The following CASR variants were observed in gnomAD, a reference collection of about 807,000 sequenced individuals.
The protein encoded by CASR is calcium sensing receptor, also known as extracellular calcium-sensing receptor.
A neutral mutation model predicts 69.1 loss-of-function variants in CASR; 23 were observed. The ratio of observed to expected loss-of-function variants is 0.33; its 90% confidence interval spans 0.24 to 0.47. The LOEUF is 0.47. Among genes scored for constraint, CASR ranks in the 20% least tolerant of loss-of-function variants. The pLI, the probability that CASR is intolerant of heterozygous loss-of-function variation, is 1.00. For missense variants in CASR, 924 were observed against 1,356.1 expected (o/e 0.68, Z 5.00); for synonymous variants, 541 against 544.7 (o/e 0.99, Z 0.10).
At chr3:122,207,667 A>G (rs1287310855) in intron 1 of CASR, among the ~76,000 whole-genome samples, 1 of 152,194 alleles carries the variant, frequency 6.6e-6, no homozygotes, top group African/African-American at 2.4e-5. Context: ...GGATACAACA[A>G]AAGCAGTACT....
rs1048505521 is a variant in CASR, at chr3:122,285,315, G to C, written c.*124G>C. ...GGATAATAGACACATCAAATGCCCCGAATTTAGTCACACCATCTTAAATGA... is the reference window on the plus strand; with the variant it reads ...GGATAATAGACACATCAAATGCCCCCAATTTAGTCACACCATCTTAAATGA... On this transcript the variant is annotated 3_prime_UTR_variant, in exon 7 of 7. Coordinates refer to ENST00000639785, the MANE Select transcript of CASR (RefSeq NM_000388.4). 1 of 836,442 alleles carries C rather than the reference G, an allele frequency of 1.2e-6. No individual in the cohort carries two copies. The highest frequency in any genetic ancestry group is 2.5e-5 in the East Asian group (1 of 39,684). The allele number at this position is 836,442 out of a possible 1,614,324, so 51.8% of individuals were successfully genotyped here. A position where few individuals can be genotyped will look rare whatever the true frequency, so the allele number is the denominator to read the frequency against.
chr3:122,257,685 AT>A lies in CASR; in HGVS notation c.492+306del, dbSNP rs200028332. On this transcript the variant is annotated intron_variant, in intron 3 of 6. Coordinates refer to ENST00000639785, the MANE Select transcript of CASR (RefSeq NM_000388.4). ...ATTTCCCACTCTATTCCTTTAGTAAATTTTTTTTCCTTCTACTTTTACTAAA... is the reference window on the plus strand; with the variant it reads ...ATTTCCCACTCTATTCCTTTAGTAAATTTTTTTCCTTCTACTTTTACTAAA... 1.5e-4 allele frequency: 42 copies of A among 278,900 alleles called. No homozygotes were observed. The South Asian group carries it at 2.5e-3, about 17-fold the overall frequency. The allele number at this position is 278,900 out of a possible 1,614,324, so 17.3% of individuals were successfully genotyped here.
At chr3:122,267,470 A>G (rs1305205827) in intron 4 of CASR, among the ~76,000 whole-genome samples, 1 of 152,232 alleles carries the variant, frequency 6.6e-6, no homozygotes, top group East Asian at 1.9e-4. Context: ...GGTAGATAAA[A>G]TTTGTGGATA....
intron 1 of CASR, among the ~76,000 whole-genome samples, chr3:122,234,964 C>T (rs921877691): frequency 5.3e-5 from 8 of 152,192 alleles, no homozygotes; most frequent in African/African-American, 1.9e-4. Context: ...TGCACTGCAT[C>T]AGCACAGATT....
At chr3:122,276,097 C>A in intron 5 of CASR, 55 bp downstream of exon 5, 1 of 1,196,796 alleles carries the variant, frequency 8.4e-7, no homozygotes, top group Non-Finnish European at 1.2e-6. Context: ...GGAAACTGTG[C>A]TGGGCTTTGG....
chr3:122,283,840 T>C lies in CASR; in HGVS notation c.1886T>C (p.Phe629Ser). 1 of 1,613,994 alleles carries C rather than the reference T, an allele frequency of 6.2e-7. No homozygotes were observed. Among genetic ancestry groups the C allele is most frequent in the Non-Finnish European group, 8.5e-7 (1 of 1,179,982 alleles). ...GTGCTGGGCATTTTCCTGACAGCCT[T>C]TGTGCTGGGTGTGTTTATCAAGTTC... ...FAVLGIFLTA[F>S]VLGVFIKFRN... Residue 629 changes from phenylalanine (F) to serine (S), a missense_variant, in exon 7 of 7, where the codon TTT (phenylalanine) becomes TCT (serine). Transcript: ENST00000639785.
intron 1 of CASR, among the ~76,000 whole-genome samples, chr3:122,233,939 C>T (rs912224210): frequency 2.6e-5 from 4 of 152,220 alleles, no homozygotes; most frequent in African/African-American, 9.7e-5. Flanking sequence ...ACAAACCAGA[C>T]TCCTGGTGCC....
chr3:122,230,522 G>A (rs539726997), intron 1 of CASR, among the ~76,000 whole-genome samples: 92 of 152,264 alleles, frequency 6.0e-4, no homozygotes, highest in African/African-American at 2.0e-3. Flanking sequence ...CCCTCTCTGC[G>A]CCACCATCCC....
At position 122,285,507 on chromosome 3, in the gene CASR, T is replaced by C. The variant is rs201832919; in HGVS notation, c.*316T>C. ...CCACCCAACAGCTCAGAGATGAAAC[T>C]ATGGCTTTAAACTACCCTCCAGAGT... On this transcript the variant is annotated 3_prime_UTR_variant, in exon 7 of 7. Transcript: ENST00000639785. 3 of 365,076 alleles carry C rather than the reference T, an allele frequency of 8.2e-6. No individual in the cohort carries two copies. The highest frequency in any genetic ancestry group is 1.6e-5 in the Non-Finnish European group (3 of 191,964). 22.6% of individuals were successfully genotyped at this position (365,076 alleles called of 1,614,324 possible). A position where few individuals can be genotyped will look rare whatever the true frequency, so the allele number is the denominator to read the frequency against.
In CASR at chr3:122,290,197, G is replaced by A. The variant is rs932555311; in HGVS notation, c.*5006G>A. ...GTGGGCACCTGGGTAACTAGATAGCGCAGGAAGTTAGAACAAATAAAAGCA... is the reference window on the plus strand; with the variant it reads ...GTGGGCACCTGGGTAACTAGATAGCACAGGAAGTTAGAACAAATAAAAGCA... On this transcript the variant is annotated 3_prime_UTR_variant, in exon 7 of 7. Transcript: ENST00000639785. 3.3e-5 allele frequency: 5 copies of A among 152,210 alleles called. No individual in the cohort carries two copies. The highest frequency in any genetic ancestry group is 1.9e-4 in the East Asian group (1 of 5,192). 9.4% of individuals were successfully genotyped at this position (152,210 alleles called of 1,614,324 possible).
chr3:122,212,127 C>T (rs4678122), intron 1 of CASR, among the ~76,000 whole-genome samples: 137,448 of 152,230 alleles, frequency 0.9, 62,487 homozygotes, highest in Admixed American at 0.93. Flanking sequence ...ATTGCAGCAC[C>T]GTGCACAATA....
At chr3:122,220,161 C>T (rs1220967645) in intron 1 of CASR, among the ~76,000 whole-genome samples, 1 of 152,220 alleles carries the variant, frequency 6.6e-6, no homozygotes, top group East Asian at 1.9e-4. Flanking sequence ...AGAGAAGAGA[C>T]ACCTGATCCC....
intron 1 of CASR, 57 bp from the exon 2 acceptor site, chr3:122,253,891 C>T: frequency 2.5e-6 from 1 of 406,908 alleles, no homozygotes; most frequent in Non-Finnish European, 4.6e-6. Context: ...TTGCAGTGGT[C>T]ATCACAAGAT....
chr3:122,261,669 A>G lies in CASR; in HGVS notation c.634A>G (p.Ile212Val), dbSNP rs2074624132. 6.2e-7 allele frequency: 1 copy of G among 1,614,220 alleles called. No homozygotes were observed. The highest frequency in any genetic ancestry group is 8.5e-7 in the Non-Finnish European group (1 of 1,180,030). ...EYFRWNWVGT[I>V]AADDDYGRPG... ...TTTCCGCTGGAACTGGGTGGGCACAATTGCAGCTGATGACGACTATGGGCG... is the reference window on the plus strand; with the variant it reads ...TTTCCGCTGGAACTGGGTGGGCACAGTTGCAGCTGATGACGACTATGGGCG... Residue 212 changes from isoleucine to valine, a missense_variant, in exon 4 of 7, where the codon ATT becomes GTT. Around this residue, in one of 8 missense-constraint regions of CASR, gnomAD observed 141 missense variants for 283.0 expected, o/e 0.50. Coordinates refer to ENST00000639785, the MANE Select transcript of CASR (RefSeq NM_000388.4).
At chr3:122,217,618 C>T (rs918531726) in intron 1 of CASR, among the ~76,000 whole-genome samples, 1 of 152,144 alleles carries the variant, frequency 6.6e-6, no homozygotes, top group African/African-American at 2.4e-5. Context: ...TTTTGACATT[C>T]AGCTTATCAG....
At chr3:122,248,105 C>T (rs7637874) in intron 1 of CASR, among the ~76,000 whole-genome samples, 32,383 of 152,138 alleles carry the variant, frequency 0.21, 3,720 homozygotes, top group Middle Eastern at 0.28. Flanking sequence ...CGGGAGGCAG[C>T]CAAGGGTGAC....
At chr3:122,203,949 G>A (rs570275136) in intron 1 of CASR, among the ~76,000 whole-genome samples, 20 of 151,356 alleles carry the variant, frequency 1.3e-4, no homozygotes, top group South Asian at 6.3e-4. Context: ...TTTATTTTCC[G>A]TTTTTTCATT....
chr3:122,256,815 G>T (rs557329155), intron 2 of CASR, among the ~76,000 whole-genome samples: 1 of 152,036 alleles, frequency 6.6e-6, no homozygotes, highest in Non-Finnish European at 1.5e-5. Flanking sequence ...ACGGGGTTTC[G>T]CCATGTTTTT....
intron 5 of CASR, among the ~76,000 whole-genome samples, chr3:122,278,787 C>T (rs989987708): frequency 6.6e-6 from 1 of 152,180 alleles, no homozygotes; most frequent in African/African-American, 2.4e-5. Flanking sequence ...GAGCGCGAAT[C>T]TCAGCTCTCC....
Sources: allele counts gnomAD v4.1 joint callset (sites outside exome capture counted in the v4.1 genomes callset), GRCh38; gene constraint gnomAD v4.1.1; regional missense constraint gnomAD v4.1.1; transcripts MANE v1.5; gene names NCBI Gene and HGNC (gene_info 2026-07-23, HGNC 2026-07-21).